Variants in SPOCK3 observed in about 807,000 individuals in gnomAD.
SPOCK3 encodes the protein testican-3.
A neutral mutation model predicts 56.6 loss-of-function variants in SPOCK3; 30 were observed. That is an observed-to-expected ratio of 0.53 (90% CI 0.40 to 0.72). The LOEUF (loss-of-function observed/expected upper bound fraction) is 0.72, where lower values mean the gene tolerates loss of function less well. Among genes scored for constraint, SPOCK3 ranks in the 30% least tolerant of loss-of-function variants. The pLI, the probability that SPOCK3 is intolerant of heterozygous loss-of-function variation, is 0.00. For missense variants in SPOCK3, 527 were observed against 530.0 expected (o/e 0.99, Z 0.06); for synonymous variants, 196 against 183.3 (o/e 1.07, Z -0.56).
chr4:166,944,075 A>C (rs899514127), intron 4 of SPOCK3, among the ~76,000 whole-genome samples: 4 of 152,180 alleles, frequency 2.6e-5, no homozygotes, highest in Admixed American at 2.6e-4. Flanking sequence ...TGAACCCGGG[A>C]GGCGAAGGTT....
At chr4:166,738,623 C>A (rs1452458423) in intron 9 of SPOCK3, among the ~76,000 whole-genome samples, 1 of 103,290 alleles carries the variant, frequency 9.7e-6, no homozygotes, top group Non-Finnish European at 1.9e-5. Flanking sequence ...TCCCCCCTCC[C>A]CCCACCCCAC....
intron 3 of SPOCK3, among the ~76,000 whole-genome samples, chr4:167,018,633 G>A (rs1750875751): frequency 6.6e-6 from 1 of 152,044 alleles, no homozygotes; most frequent in Non-Finnish European, 1.5e-5. Flanking sequence ...ATCTGACTGT[G>A]TCTTCTGGAT....
intron 4 of SPOCK3, among the ~76,000 whole-genome samples, chr4:166,969,778 G>A (rs1380481778): frequency 1.3e-5 from 2 of 152,190 alleles, no homozygotes; most frequent in African/African-American, 4.8e-5. Flanking sequence ...TAATACAGAA[G>A]GCTAATCCAA....
intron 6 of SPOCK3, among the ~76,000 whole-genome samples, chr4:166,845,196 C>T (rs976455534): frequency 1.3e-5 from 2 of 152,042 alleles, no homozygotes; most frequent in African/African-American, 4.8e-5. Context: ...AAATTAGCTA[C>T]AAGAAATCAT....
intron 2 of SPOCK3, among the ~76,000 whole-genome samples, chr4:167,077,225 A>G (rs182196982): frequency 1.1e-3 from 161 of 151,882 alleles, no homozygotes; most frequent in Non-Finnish European, 2.1e-3. Context: ...TAATAATTTC[A>G]TTAAATATAG....
intron 8 of SPOCK3, among the ~76,000 whole-genome samples, chr4:166,750,909 A>G (rs1736290953): frequency 1.3e-5 from 2 of 152,194 alleles, no homozygotes; most frequent in African/African-American, 4.8e-5. Flanking sequence ...AGTGGGCATT[A>G]TGGAGGTTTG....
At chr4:166,846,581 C>T (rs1473758615) in intron 6 of SPOCK3, among the ~76,000 whole-genome samples, 2 of 152,022 alleles carry the variant, frequency 1.3e-5, no homozygotes, top group African/African-American at 4.8e-5. Flanking sequence ...ACATTTTTGT[C>T]AGACAGTTGG....
chr4:167,095,438 T>C lies in SPOCK3; in HGVS notation c.190-32901A>G, dbSNP rs1759066964. ...AGAGAAAATATTGTATTCTATTCTCTGACTAATCCTAAGGCAAGCAGTAGA... is the reference window on the plus strand; with the variant it reads ...AGAGAAAATATTGTATTCTATTCTCCGACTAATCCTAAGGCAAGCAGTAGA... On this transcript the variant is annotated intron_variant, in intron 2 of 10. Transcript: ENST00000357545. Among the ~76,000 whole-genome samples, 3 of 152,060 alleles carry C rather than the reference T, an allele frequency of 2.0e-5. No individual in the cohort carries two copies. The South Asian group carries it at 6.2e-4, about 31-fold the overall frequency.
At chr4:167,147,609 A>T (rs981004826) in intron 2 of SPOCK3, among the ~76,000 whole-genome samples, 3 of 152,198 alleles carry the variant, frequency 2.0e-5, no homozygotes, top group Non-Finnish European at 2.9e-5. Flanking sequence ...GCACATATGC[A>T]CCATGGAATA....
chr4:167,076,492 A>T (rs565441844), intron 2 of SPOCK3, among the ~76,000 whole-genome samples: 1 of 151,982 alleles, frequency 6.6e-6, no homozygotes, highest in South Asian at 2.1e-4. Context: ...ATATTAAAAA[A>T]TAAATCACAG....
intron 4 of SPOCK3, among the ~76,000 whole-genome samples, chr4:166,971,778 C>T (rs1462785277): frequency 7.2e-5 from 11 of 152,012 alleles, no homozygotes; most frequent in East Asian, 3.9e-4. Flanking sequence ...TTATTAGCTT[C>T]GGCTTACAAC....
At chr4:167,116,598 A>ATATATACTATATACGTATATATATAAG (rs1554038916) in intron 2 of SPOCK3, among the ~76,000 whole-genome samples, 4 of 89,826 alleles carry the variant, frequency 4.5e-5, no homozygotes, top group African/African-American at 2.0e-4. Flanking sequence ...ATATATATAC[A>ATATATACTATATACGTATATATATAAG]TATATACTAT....
At chr4:167,208,719 A>G (rs1448610642) in intron 2 of SPOCK3, among the ~76,000 whole-genome samples, 1 of 152,080 alleles carries the variant, frequency 6.6e-6, no homozygotes. Context: ...ATACATGTAG[A>G]TCTGCTAAAA....
At chr4:167,010,076 G>A (rs895299604) in intron 3 of SPOCK3, among the ~76,000 whole-genome samples, 4 of 152,028 alleles carry the variant, frequency 2.6e-5, no homozygotes, top group African/African-American at 9.7e-5. Flanking sequence ...ACAATAAGTG[G>A]GTGGGGGGAG....
In SPOCK3 at chr4:167,054,350, T is replaced by A. The variant is rs983132645; in HGVS notation, c.235+8142A>T. Among the ~76,000 whole-genome samples the A allele has an allele frequency of 2.0e-5, 3 of 152,236 alleles. 1 individual carries two copies. Among genetic ancestry groups the A allele is most frequent in the African/African-American group, 7.2e-5 (3 of 41,470 alleles). On this transcript the variant is annotated intron_variant, in intron 3 of 10. Coordinates refer to ENST00000357545, the MANE Select transcript of SPOCK3 (RefSeq NM_001040159.2). ...AGCTACAGCATATTCATCTAAAGCA[T>A]TGATTAATTGTTTAAAATCTTTATC...
At chr4:167,224,947 G>A (rs1325432788) in intron 2 of SPOCK3, among the ~76,000 whole-genome samples, 2 of 152,156 alleles carry the variant, frequency 1.3e-5, no homozygotes, top group African/African-American at 4.8e-5. Context: ...TTACAGGCAT[G>A]AGCCACCACA....
At chr4:166,916,293 C>A (rs540370061) in intron 4 of SPOCK3, among the ~76,000 whole-genome samples, 2 of 151,854 alleles carry the variant, frequency 1.3e-5, no homozygotes, top group African/African-American at 4.8e-5. Flanking sequence ...AAACTAATAA[C>A]TAAAGAGGAA....
intron 3 of SPOCK3, among the ~76,000 whole-genome samples, chr4:167,053,886 C>T (rs568497095): frequency 2.0e-5 from 3 of 152,028 alleles, no homozygotes; most frequent in African/African-American, 7.2e-5. Context: ...TCCCCAAAAA[C>T]GTGGAGGAGC....
intron 7 of SPOCK3, among the ~76,000 whole-genome samples, chr4:166,788,991 AT>A (rs1482284384): frequency 1.3e-5 from 2 of 152,130 alleles, no homozygotes; most frequent in Non-Finnish European, 2.9e-5. Context: ...ACACAATGTT[AT>A]TGGATTTTTT....
Sources: allele counts gnomAD v4.1 joint callset (sites outside exome capture counted in the v4.1 genomes callset), GRCh38; gene constraint gnomAD v4.1.1; transcripts MANE v1.5; gene names NCBI Gene and HGNC (gene_info 2026-07-23, HGNC 2026-07-21).